PTPRD: variants seen among roughly 807,000 people sequenced by gnomAD.
PTPRD encodes the protein protein tyrosine phosphatase receptor type D.
Under a neutral mutation model 214.5 loss-of-function variants are expected in PTPRD, and 34 were observed. The observed-to-expected ratio is 0.16, with a 90% CI of 0.12 to 0.21. The LOEUF is 0.21. PTPRD is among the 10% of genes least tolerant of loss of function. PTPRD has a pLI of 1.00. For missense variants in PTPRD, 2,545 were observed against 2,398.7 expected, an observed-to-expected ratio of 1.06 and a Z score of -1.27; for synonymous variants, 1,128 against 845.7, an observed-to-expected ratio of 1.33 and a Z score of -5.79.
intron 39 of PTPRD, among the ~76,000 whole-genome samples, chr9:8,368,017 A>G (rs1588837911): frequency 6.6e-6 from 1 of 152,338 alleles, no homozygotes; most frequent in East Asian, 1.9e-4. Flanking sequence ...TCTGTTTGTT[A>G]GAACAATTTC....
At chr9:10,582,533 G>C (rs2072292874) in intron 2 of PTPRD, among the ~76,000 whole-genome samples, 1 of 152,012 alleles carries the variant, frequency 6.6e-6, no homozygotes, top group Non-Finnish European at 1.5e-5. Context: ...TTTAGCAAAA[G>C]CACAGTCTCA....
At chr9:8,632,818 T>TA (rs2096293424) in intron 14 of PTPRD, among the ~76,000 whole-genome samples, 1 of 151,952 alleles carries the variant, frequency 6.6e-6, no homozygotes, top group African/African-American at 2.4e-5. Flanking sequence ...AACAGACAAA[T>TA]AAAAAATGTA....
intron 39 of PTPRD, among the ~76,000 whole-genome samples, chr9:8,348,369 C>T (rs987105531): frequency 6.6e-6 from 1 of 151,924 alleles, no homozygotes; most frequent in Non-Finnish European, 1.5e-5. Context: ...TTTCTGATGC[C>T]TTATATATCT....
intron 7 of PTPRD, among the ~76,000 whole-genome samples, chr9:9,687,192 T>A (rs1297904689): frequency 6.6e-6 from 1 of 151,644 alleles, no homozygotes; most frequent in Non-Finnish European, 1.5e-5. Flanking sequence ...CACTCGTGAG[T>A]TCCTAGGAAA....
intron 33 of PTPRD, among the ~76,000 whole-genome samples, chr9:8,458,459 TC>T (rs879930575): frequency 9.2e-5 from 14 of 152,248 alleles, no homozygotes; most frequent in South Asian, 4.1e-4. Context: ...TCACAAAATG[TC>T]ATGTCATATG....
intron 10 of PTPRD, among the ~76,000 whole-genome samples, chr9:9,056,795 A>C (rs1435077808): frequency 6.6e-6 from 1 of 152,222 alleles, no homozygotes; most frequent in Non-Finnish European, 1.5e-5. Flanking sequence ...TTGGCACGGA[A>C]AATATATTTA....
intron 10 of PTPRD, among the ~76,000 whole-genome samples, chr9:9,024,338 G>GTTTTTTTTT (rs746383829): frequency 3.1e-4 from 19 of 61,306 alleles, no homozygotes; most frequent in East Asian, 1.6e-3. Flanking sequence ...TCGATTCTTT[G>GTTTTTTTTT]TTTTTTTTTG....
chr9:9,447,356 C>T (rs1366810275), intron 8 of PTPRD, among the ~76,000 whole-genome samples: 1 of 152,104 alleles, frequency 6.6e-6, no homozygotes, highest in African/African-American at 2.4e-5. Context: ...AGATCATGTC[C>T]TTTGCAGGCT....
intron 9 of PTPRD, among the ~76,000 whole-genome samples, chr9:9,315,303 T>C (rs561333278): frequency 2.3e-4 from 35 of 152,124 alleles, no homozygotes; most frequent in Middle Eastern, 3.4e-3. Context: ...TTACAACTTA[T>C]TGAATGCTAC....
chr9:10,091,633 G>A lies in PTPRD; in HGVS notation c.-544-57843C>T, dbSNP rs146390951. 5.1e-3 allele frequency among the ~76,000 whole-genome samples: 767 copies of A among 151,536 alleles called. 5 individuals carry two copies. The highest frequency in any genetic ancestry group is 0.018 in the African/African-American group (726 of 41,442). On this transcript the variant is annotated intron_variant, in intron 3 of 45. Transcript: ENST00000381196. ...TCAACTGCATGTCAATTAAACGACA[G>A]GAAATGTTTCCCCAAATAATACATT...
intron 3 of PTPRD, among the ~76,000 whole-genome samples, chr9:10,308,774 C>A (rs1393743901): frequency 1.3e-5 from 2 of 152,022 alleles, no homozygotes; most frequent in East Asian, 3.9e-4. Flanking sequence ...TTTTTCACCT[C>A]CTCAAGCAGT....
intron 12 of PTPRD, among the ~76,000 whole-genome samples, chr9:8,662,472 C>A (rs2097081785): frequency 6.6e-6 from 1 of 152,132 alleles, no homozygotes; most frequent in Non-Finnish European, 1.5e-5. Context: ...AGATGACATA[C>A]AACTATAGTC....
intron 8 of PTPRD, among the ~76,000 whole-genome samples, chr9:9,512,008 A>T (rs750931915): frequency 2.6e-5 from 4 of 151,860 alleles, no homozygotes; most frequent in South Asian, 4.1e-4. Flanking sequence ...ACAGAAAAAA[A>T]TCCCATCTAG....
At chr9:8,777,392 T>A (rs1446920147) in intron 11 of PTPRD, among the ~76,000 whole-genome samples, 3 of 152,198 alleles carry the variant, frequency 2.0e-5, no homozygotes, top group African/African-American at 4.8e-5. Context: ...AAAAATGACA[T>A]CAATGTAAAC....
rs116793197 is a variant in PTPRD at position 10,472,382 on chromosome 9, A to G, written c.-599-131365T>C. On this transcript the variant is annotated intron_variant, in intron 2 of 45. Coordinates refer to ENST00000381196, the MANE Select transcript of PTPRD (RefSeq NM_002839.4). Reference sequence around the variant, plus strand: ...AAGTTTCACATTACAGAGATGGGTAACTTTGCATTCAAGAATTTATAATTT... The same window carrying G: ...AAGTTTCACATTACAGAGATGGGTAGCTTTGCATTCAAGAATTTATAATTT... Among the ~76,000 whole-genome samples, 573 of 152,308 alleles carry G rather than the reference A, an allele frequency of 3.8e-3. 5 individuals are homozygous for G. The highest frequency in any genetic ancestry group is 0.013 in the African/African-American group (544 of 41,576).
chr9:9,689,128 A>G (rs1320522918), intron 7 of PTPRD, among the ~76,000 whole-genome samples: 1 of 151,918 alleles, frequency 6.6e-6, no homozygotes, highest in Non-Finnish European at 1.5e-5. Flanking sequence ...TGAGTTTCTT[A>G]TCAATTGTAT....
chr9:9,352,765 C>T (rs2051938181), intron 9 of PTPRD, among the ~76,000 whole-genome samples: 1 of 151,900 alleles, frequency 6.6e-6, no homozygotes, highest in African/African-American at 2.4e-5. Flanking sequence ...TGACTTCTCT[C>T]AGAGTTGTAA....
At position 8,696,604 on chromosome 9, in the gene PTPRD, G is replaced by T. The variant is rs56833149; in HGVS notation, c.64+37176C>A. On this transcript the variant is annotated intron_variant, in intron 12 of 45. Coordinates refer to ENST00000381196, the MANE Select transcript of PTPRD (RefSeq NM_002839.4). The stretch of plus-strand genomic sequence containing the variant: ...GGGGCAGGGGAGAAAGATGAGTTAG[G>T]TTAGACGGAGAAAGAATTACAAGAA... Among the ~76,000 whole-genome samples the T allele has an allele frequency of 4.1e-3, 629 of 152,260 alleles. 3 individuals are homozygous for T. Among genetic ancestry groups the T allele is most frequent in the African/African-American group, 0.015 (607 of 41,560 alleles).
At chr9:10,529,992 A>C (rs527931065) in intron 2 of PTPRD, among the ~76,000 whole-genome samples, 46 of 152,102 alleles carry the variant, frequency 3.0e-4, no homozygotes, top group South Asian at 8.3e-4. Flanking sequence ...TGTTAGGGGC[A>C]GAAAACCACC....
Sources: gnomAD v4.1 joint callset for allele counts (sites outside exome capture counted in the v4.1 genomes callset) on GRCh38, gnomAD v4.1.1 for gene constraint, MANE v1.5 for transcripts, NCBI Gene and HGNC (gene_info 2026-07-23, HGNC 2026-07-21) for gene names.